The following PAPOLA variants were observed in gnomAD, a reference collection of about 807,000 sequenced individuals.
PAPOLA encodes the protein polynucleotide adenylyltransferase alpha.
Under a neutral mutation model 100.6 loss-of-function variants are expected in PAPOLA, and 15 were observed. The ratio of observed to expected loss-of-function variants is 0.15; its 90% CI spans 0.10 to 0.23. The LOEUF (loss-of-function observed/expected upper bound fraction) is 0.23, where lower values mean the gene tolerates loss of function less well. Among genes scored for constraint, PAPOLA ranks in the 10% least tolerant of loss-of-function variants. The pLI, the probability that PAPOLA is intolerant of heterozygous loss-of-function variation, is 1.00. For synonymous variants in PAPOLA, 293 were observed against 300.0 expected (o/e 0.98, Z 0.24); for missense variants, 533 against 884.2 (o/e 0.60, Z 5.04).
rs748090763 is a variant in PAPOLA at position 96,520,155 on chromosome 14, G to C, written c.109G>C (p.Val37Leu). The C allele has an allele frequency of 8.1e-6, 13 of 1,613,820 alleles. No homozygotes were observed. Among genetic ancestry groups the C allele is most frequent in the Admixed American group, 5.0e-5 (3 of 59,988 alleles). Residue 37 changes from valine (V) to leucine (L), a missense_variant, in exon 2 of 22, where the codon GTA (valine) becomes CTA (leucine). By Grantham distance (32) the Val-to-Leu change is conservative. This residue lies in a region of PAPOLA where 48 missense variants were observed against 52.3 expected (regional missense o/e 0.92). Transcript: ENST00000216277. Reference sequence around the variant, plus strand: ...AGCAGCCCCCAAGGAGACTGACTGCGTACTTACACAGAAACTAATTGAGAC... The same window carrying C: ...AGCAGCCCCCAAGGAGACTGACTGCCTACTTACACAGAAACTAATTGAGAC... ...SLAAPKETDC[V>L]LTQKLIETLK...
At chr14:96,517,073 A>G (rs1055187592) in intron 1 of PAPOLA, among the ~76,000 whole-genome samples, 15 of 152,238 alleles carry the variant, frequency 9.9e-5, no homozygotes, top group African/African-American at 3.1e-4. Context: ...TACTCGCACA[A>G]AACAAAAATA....
chr14:96,533,325 C>T, intron 9 of PAPOLA: 1 of 983,866 alleles, frequency 1.0e-6, no homozygotes, highest in Middle Eastern at 5.2e-4. Flanking sequence ...TCGTCCATTC[C>T]TGTTCTTATG....
chr14:96,549,435 A>G (rs1225258690), intron 16 of PAPOLA, among the ~76,000 whole-genome samples: 1 of 151,834 alleles, frequency 6.6e-6, no homozygotes, highest in African/African-American at 2.4e-5. Flanking sequence ...TTTTTAGTAG[A>G]GACGGGGTTT....
chr14:96,507,280 G>GTTTTTTTTTTTTTTTT lies in PAPOLA; in HGVS notation c.8+4690_8+4705dup, dbSNP rs71103533. Reference sequence around the variant, plus strand: ...ACTAAATTTTTTGTTTTGGAAAATAGTTTTTTTTTTTTTTTTTTTTTTTTT... The same window carrying GTTTTTTTTTTTTTTTT: ...ACTAAATTTTTTGTTTTGGAAAATAGTTTTTTTTTTTTTTTTTTTTTTTTTTTTTTTTTTTTTTTTT... On this transcript the variant is annotated intron_variant, in intron 1 of 21. Transcript: ENST00000216277. 7.3e-4 allele frequency among the ~76,000 whole-genome samples: 59 copies of GTTTTTTTTTTTTTTTT among 80,698 alleles called. 4 individuals carry two copies. Among genetic ancestry groups the GTTTTTTTTTTTTTTTT allele is most frequent in the African/African-American group, 2.1e-3 (37 of 17,600 alleles). 52.9% of individuals were successfully genotyped at this position (80,698 alleles called of 152,430 possible).
intron 14 of PAPOLA, among the ~76,000 whole-genome samples, chr14:96,543,650 C>T (rs1195705873): frequency 6.6e-6 from 1 of 151,822 alleles, no homozygotes; most frequent in Non-Finnish European, 1.5e-5. Context: ...ATGTTCCATT[C>T]AGTAGATAAA....
At chr14:96,561,676 A>G (rs1901851168) in intron 20 of PAPOLA, among the ~76,000 whole-genome samples, 1 of 152,222 alleles carries the variant, frequency 6.6e-6, no homozygotes, top group Non-Finnish European at 1.5e-5. Flanking sequence ...GCATAAATTA[A>G]TGGAAGAAGA....
chr14:96,566,077 T>G lies in PAPOLA; in HGVS notation c.*1027T>G. On this transcript the variant is annotated 3_prime_UTR_variant, in exon 22 of 22. Transcript: ENST00000216277. ...ATGATATCTATCTGGGATGGCCATT[T>G]GATCTCTAAAAGGAATTTTGTACAC... 2.5e-6 allele frequency: 1 copy of G among 395,646 alleles called. No individual in the cohort carries two copies. The highest frequency in any genetic ancestry group is 4.5e-6 in the Non-Finnish European group (1 of 224,060). The allele number at this position is 395,646 out of a possible 1,614,324, so 24.5% of individuals were successfully genotyped here.
intron 1 of PAPOLA, among the ~76,000 whole-genome samples, chr14:96,519,077 G>A (rs2140251029): frequency 6.6e-6 from 1 of 151,834 alleles, no homozygotes; most frequent in African/African-American, 2.4e-5. Context: ...AGGTAGCTGT[G>A]TGTGTGTGTA....
chr14:96,526,671 G>A (rs943184109), intron 4 of PAPOLA: 2 of 152,482 alleles, frequency 1.3e-5, no homozygotes, highest in African/African-American at 2.4e-5. Flanking sequence ...TGTATCTGCC[G>A]AGATAGTGTT....
chr14:96,551,236 T>G (rs1357066015), intron 16 of PAPOLA, among the ~76,000 whole-genome samples: 2 of 152,240 alleles, frequency 1.3e-5, no homozygotes, highest in African/African-American at 2.4e-5. Context: ...GCCTGTTAAC[T>G]CACAGCTGTT....
intron 4 of PAPOLA, 88 bp from the exon 5 acceptor site, chr14:96,527,342 A>C: frequency 2.6e-6 from 2 of 781,676 alleles, no homozygotes; most frequent in Non-Finnish European, 4.3e-6. Context: ...TGTTAAACAG[A>C]TTCTCAACAT....
At chr14:96,537,348 T>C (rs1438706172) in intron 12 of PAPOLA, 2 of 272,142 alleles carry the variant, frequency 7.3e-6, no homozygotes, top group Non-Finnish European at 1.4e-5. Flanking sequence ...CTGTATACAG[T>C]GGCAAGTGGA....
chr14:96,512,862 T>A (rs977125619), intron 1 of PAPOLA, among the ~76,000 whole-genome samples: 1 of 152,186 alleles, frequency 6.6e-6, no homozygotes, highest in African/African-American at 2.4e-5. Context: ...TTCCAGAACC[T>A]ATGAGATCAA....
chr14:96,550,982 A>G (rs1199902204), intron 16 of PAPOLA, among the ~76,000 whole-genome samples: 1 of 152,184 alleles, frequency 6.6e-6, no homozygotes, highest in Non-Finnish European at 1.5e-5. Context: ...GCCCTGGGTT[A>G]TGTAGTATGA....
chr14:96,508,096 G>A (rs185242142), intron 1 of PAPOLA, among the ~76,000 whole-genome samples: 2 of 152,134 alleles, frequency 1.3e-5, no homozygotes, highest in East Asian at 1.9e-4. Context: ...GGTTGGTCTC[G>A]AACTCCTGAC....
At chr14:96,542,092 A>G in intron 12 of PAPOLA, 151 bp from the exon 13 acceptor site, 1 of 480,812 alleles carries the variant, frequency 2.1e-6, no homozygotes, top group Non-Finnish European at 3.8e-6. Flanking sequence ...GGAATTTAGC[A>G]TATATGATTT....
At position 96,544,159 on chromosome 14, in the gene PAPOLA, C is replaced by T. The variant is rs374761409; in HGVS notation, c.1300C>T (p.Arg434Cys). The T allele has an allele frequency of 3.1e-5, 49 of 1,592,160 alleles. No individual in the cohort carries two copies. In the African/African-American group the frequency reaches 3.4e-4, roughly 11 times the overall value. ...PKENPDKEEFRTMWVIGLVFK... is the reference protein window; with the variant it reads ...PKENPDKEEFCTMWVIGLVFK... The stretch of plus-strand genomic sequence containing the variant: ...TGCTCTTCTTTGCAGGGAAGAATTT[C>T]GCACGATGTGGGTGATTGGGTTAGT... Residue 434 changes from arginine (R) to cysteine (C), a missense_variant, in exon 15 of 22, where the codon CGC (arginine) becomes TGC (cysteine). Physicochemically the swap from Arg to Cys is radical, Grantham distance 180. Around this residue, in one of 9 missense-constraint regions of PAPOLA, gnomAD observed 19 missense variants for 18.7 expected, o/e 1.01. Transcript: ENST00000216277.
chr14:96,545,693 A>G (rs906310858), intron 15 of PAPOLA, among the ~76,000 whole-genome samples: 15 of 152,064 alleles, frequency 9.9e-5, no homozygotes, highest in Admixed American at 3.3e-4. Flanking sequence ...TGTGTTGGGT[A>G]GAACTGTCCA....
chr14:96,552,174 G>A (rs188783176), intron 16 of PAPOLA, among the ~76,000 whole-genome samples: 16 of 152,066 alleles, frequency 1.1e-4, no homozygotes, highest in African/African-American at 3.9e-4. Context: ...TGAGATTCTT[G>A]TGTTTTTATA....
Sources: gnomAD v4.1 joint callset for allele counts (sites outside exome capture counted in the v4.1 genomes callset) on GRCh38, gnomAD v4.1.1 for gene constraint, gnomAD v4.1.1 regional missense constraint, MANE v1.5 for transcripts, NCBI Gene and HGNC (gene_info 2026-07-23, HGNC 2026-07-21) for gene names.